The following NALF1 variants were observed in gnomAD, a reference collection of about 807,000 sequenced individuals.
NALF1 encodes NALCN channel auxiliary factor 1, also known as family with sequence similarity 155 member A.
NALF1 carries 3 observed loss-of-function variants against 48.4 expected under a neutral mutation model. The observed-to-expected ratio is 0.06, with a 90% CI of 0.03 to 0.16. NALF1 has a LOEUF of 0.16. Among genes scored for constraint, NALF1 ranks in the 10% least tolerant of loss-of-function variants. The probability of loss-of-function intolerance (pLI) is 1.00; values close to 1 mark genes in which losing one functional copy is unlikely to be tolerated. For missense variants in NALF1, 526 were observed against 571.5 expected (o/e 0.92, Z 0.81); for synonymous variants, 262 against 245.7 (o/e 1.07, Z -0.62).
At chr13:107,826,010 A>T (rs1363063909) in intron 1 of NALF1, among the ~76,000 whole-genome samples, 1 of 152,104 alleles carries the variant, frequency 6.6e-6, no homozygotes, top group African/African-American at 2.4e-5. Context: ...CAATCTCTTG[A>T]CCTCGTGACC....
At chr13:107,806,888 A>G (rs1878807731) in intron 1 of NALF1, among the ~76,000 whole-genome samples, 1 of 152,156 alleles carries the variant, frequency 6.6e-6, no homozygotes. Flanking sequence ...TTCTTTCTAA[A>G]TCATTCTTAT....
At chr13:107,297,834 A>T (rs941550219) in intron 1 of NALF1, among the ~76,000 whole-genome samples, 1 of 152,182 alleles carries the variant, frequency 6.6e-6, no homozygotes, top group Non-Finnish European at 1.5e-5. Context: ...AGCCACATGG[A>T]TGTTAACCGT....
At chr13:107,626,651 A>T (rs1285203463) in intron 1 of NALF1, among the ~76,000 whole-genome samples, 1 of 152,126 alleles carries the variant, frequency 6.6e-6, no homozygotes, top group Non-Finnish European at 1.5e-5. Flanking sequence ...ATGAAACTGG[A>T]TATCATTATG....
intron 1 of NALF1, among the ~76,000 whole-genome samples, chr13:107,769,928 G>A (rs1466766303): frequency 1.3e-5 from 2 of 151,890 alleles, no homozygotes; most frequent in Non-Finnish European, 2.9e-5. Context: ...GTTTTGTTTT[G>A]TTGAGACGGA....
At chr13:107,330,391 G>T (rs1015523690) in intron 1 of NALF1, among the ~76,000 whole-genome samples, 4 of 152,070 alleles carry the variant, frequency 2.6e-5, no homozygotes, top group African/African-American at 4.8e-5. Flanking sequence ...TTTAAATTTC[G>T]ATCTGTATTC....
chr13:107,615,106 G>GACAT (rs538550906), intron 1 of NALF1, among the ~76,000 whole-genome samples: 23 of 152,194 alleles, frequency 1.5e-4, no homozygotes, highest in Admixed American at 5.9e-4. Context: ...TCTGACCATA[G>GACAT]ACATCTGAAT....
intron 1 of NALF1, among the ~76,000 whole-genome samples, chr13:107,626,059 GAAC>G (rs1226086489): frequency 6.6e-6 from 1 of 151,876 alleles, no homozygotes; most frequent in Non-Finnish European, 1.5e-5. Context: ...TTAATCTTAT[GAAC>G]AACATAAGAT....
At chr13:107,540,958 C>A (rs1566385257) in intron 1 of NALF1, among the ~76,000 whole-genome samples, 1 of 152,050 alleles carries the variant, frequency 6.6e-6, no homozygotes. Flanking sequence ...TTAGGACATA[C>A]CCCTGTTAAA....
At chr13:107,644,734 C>G (rs1880266476) in intron 1 of NALF1, among the ~76,000 whole-genome samples, 1 of 148,468 alleles carries the variant, frequency 6.7e-6, no homozygotes, top group Admixed American at 6.9e-5. Flanking sequence ...AGGTCTAAAA[C>G]ATGGTCTTAA....
chr13:107,273,909 T>C (rs903980279), intron 1 of NALF1, among the ~76,000 whole-genome samples: 21 of 152,224 alleles, frequency 1.4e-4, no homozygotes, highest in Non-Finnish European at 2.6e-4. Flanking sequence ...GGTGGGTAGT[T>C]CCCTGCAGCT....
At chr13:107,517,547 G>A (rs747630237) in intron 1 of NALF1, among the ~76,000 whole-genome samples, 140 of 152,038 alleles carry the variant, frequency 9.2e-4, no homozygotes, top group Non-Finnish European at 1.4e-3. Flanking sequence ...CAGGAGAATC[G>A]CTTGAACCTG....
Position 107,865,855 on chromosome 13 carries a change from G to A in NALF1, c.742C>T (p.Leu248=), listed in dbSNP as rs757976890. ...CCGCCTTCCTTGAGCACCACATCCA[G>A]ACTGCAGTTCAAAGTGTTGGGACTG... The part of the protein sequence containing the change: ...LSSPNTLNCS[L]DVVLKEGGEM... Residue 248 remains leucine, a synonymous_variant, in exon 1 of 3, where the codon CTG becomes TTG. Transcript: ENST00000375915. 6.8e-6 allele frequency: 11 copies of A among 1,613,982 alleles called. No homozygotes were observed. In the East Asian group the frequency reaches 2.0e-4, roughly 29 times the overall value.
At chr13:107,230,549 A>T (rs1349330257) in intron 1 of NALF1, among the ~76,000 whole-genome samples, 1 of 152,038 alleles carries the variant, frequency 6.6e-6, no homozygotes, top group Admixed American at 6.6e-5. Flanking sequence ...TAAGAAATAG[A>T]ATTATGGGGG....
rs867234050 is a variant in NALF1 at position 107,804,888 on chromosome 13, T to C, written c.915+60794A>G. The stretch of plus-strand genomic sequence containing the variant: ...TTTGAACAAGAAATAGAAAACAAAA[T>C]ACTTCTTTGTTAATGTAAGCAGATA... On this transcript the variant is annotated intron_variant, in intron 1 of 2. Coordinates refer to ENST00000375915, the MANE Select transcript of NALF1 (RefSeq NM_001080396.3). 1.1e-4 allele frequency among the ~76,000 whole-genome samples: 17 copies of C among 152,272 alleles called. No homozygotes were observed. In the South Asian group the frequency reaches 3.1e-3, roughly 28 times the overall value.
At chr13:107,865,266 T>C (rs898581362) in intron 1 of NALF1, among the ~76,000 whole-genome samples, 2 of 152,212 alleles carry the variant, frequency 1.3e-5, no homozygotes, top group Non-Finnish European at 2.9e-5. Context: ...CAGATCTATA[T>C]TGCAAACCAC....
intron 1 of NALF1, among the ~76,000 whole-genome samples, chr13:107,250,707 G>GAT (rs1212567361): frequency 6.7e-6 from 1 of 148,960 alleles, no homozygotes; most frequent in Non-Finnish European, 1.5e-5. Context: ...ATACCCTACT[G>GAT]ATATGGTTTG....
At chr13:107,754,096 T>C (rs1169627589) in intron 1 of NALF1, among the ~76,000 whole-genome samples, 1 of 152,160 alleles carries the variant, frequency 6.6e-6, no homozygotes, top group Non-Finnish European at 1.5e-5. Flanking sequence ...AAGGACTATA[T>C]TCTGCTTAGG....
chr13:107,427,435 T>C (rs1884299357), intron 1 of NALF1, among the ~76,000 whole-genome samples: 1 of 143,432 alleles, frequency 7.0e-6, no homozygotes. Context: ...ATTTTGACTG[T>C]TTGGAAGAAT....
At chr13:107,418,329 T>G (rs2139006690) in intron 1 of NALF1, among the ~76,000 whole-genome samples, 1 of 152,174 alleles carries the variant, frequency 6.6e-6, no homozygotes, top group South Asian at 2.1e-4. Context: ...GCCTTAGTTC[T>G]GATGAAAAGG....
Sources: allele counts gnomAD v4.1 joint callset (sites outside exome capture counted in the v4.1 genomes callset), GRCh38; gene constraint gnomAD v4.1.1; transcripts MANE v1.5; gene names NCBI Gene and HGNC (gene_info 2026-07-23, HGNC 2026-07-21).